THSD1: variants seen among roughly 807,000 people sequenced by gnomAD.
THSD1 encodes thrombospondin type 1 domain containing 1, also known as thrombospondin type-1 domain-containing protein 1.
THSD1 carries 34 observed loss-of-function variants against 46.3 expected under a neutral mutation model. The observed-to-expected ratio is 0.74, with a 90% CI of 0.56 to 0.98. The LOEUF (loss-of-function observed/expected upper bound fraction) is 0.98. THSD1 is among the 50% of genes least tolerant of loss of function. The pLI, the probability that THSD1 is intolerant of heterozygous loss-of-function variation, is 0.00. For synonymous variants in THSD1, 407 were observed against 416.5 expected, an observed-to-expected ratio of 0.98 and a Z score of 0.28; for missense variants, 1,023 against 1,058.3, an observed-to-expected ratio of 0.97 and a Z score of 0.46.
intron 1 of THSD1, among the ~76,000 whole-genome samples, chr13:52,404,866 G>A (rs565655019): frequency 4.6e-5 from 7 of 152,170 alleles, no homozygotes; most frequent in South Asian, 4.1e-4. Flanking sequence ...GAAAATGATC[G>A]GTAAAACATA....
intron 3 of THSD1, among the ~76,000 whole-genome samples, chr13:52,392,631 T>G (rs1250523765): frequency 6.6e-6 from 1 of 152,258 alleles, no homozygotes; most frequent in Non-Finnish European, 1.5e-5. Flanking sequence ...AGGGTTTTAA[T>G]TTTGAATAAG....
rs1481517686 is a variant in THSD1, at chr13:52,398,120, C to T, written c.133G>A (p.Asp45Asn). The T allele has an allele frequency of 2.5e-6, 4 of 1,614,216 alleles. No individual in the cohort carries two copies. Among genetic ancestry groups the T allele is most frequent in the Non-Finnish European group, 2.5e-6 (3 of 1,180,042 alleles). Residue 45 changes from aspartate (D) to asparagine (N), a missense_variant, in exon 3 of 5, where the codon GAT becomes AAT. Physicochemically the swap from Asp to Asn is conservative, Grantham distance 23. Around this residue, in one of 3 missense-constraint regions of THSD1, gnomAD observed 429 missense variants for 518.3 expected, o/e 0.83. Coordinates refer to ENST00000258613, the MANE Select transcript of THSD1 (RefSeq NM_018676.4). ...TTAGCACCATCAAAATACTGGAAAT[C>T]CACATACACTGTGTCGTTGCTTAGT... ...VALSNDTVYVDFQYFDGANGT... is the reference protein window; with the variant it reads ...VALSNDTVYVNFQYFDGANGT...
At chr13:52,382,103 C>CTACA (rs1309889436) in intron 4 of THSD1, among the ~76,000 whole-genome samples, 2 of 152,194 alleles carry the variant, frequency 1.3e-5, no homozygotes, top group African/African-American at 4.8e-5. Flanking sequence ...CCAAGGAGAG[C>CTACA]TACAGTCCAT....
At chr13:52,394,248 T>C (rs1188017180) in intron 3 of THSD1, among the ~76,000 whole-genome samples, 3 of 152,264 alleles carry the variant, frequency 2.0e-5, no homozygotes, top group Admixed American at 6.5e-5. Context: ...CCCCAATTTA[T>C]TGACTTCCTT....
At chr13:52,403,033 T>C in intron 1 of THSD1, 1 of 801,370 alleles carries the variant, frequency 1.2e-6, no homozygotes, top group Non-Finnish European at 1.5e-6. Flanking sequence ...TCACATTATT[T>C]ATCTGCTTGG....
At chr13:52,390,064 A>G (rs963350211) in intron 3 of THSD1, among the ~76,000 whole-genome samples, 1 of 151,464 alleles carries the variant, frequency 6.6e-6, no homozygotes, top group Non-Finnish European at 1.5e-5. Context: ...CACCTGAGCC[A>G]GGGGAAGTCG....
At chr13:52,405,302 C>G (rs1200465089) in intron 1 of THSD1, among the ~76,000 whole-genome samples, 1 of 152,200 alleles carries the variant, frequency 6.6e-6, no homozygotes, top group African/African-American at 2.4e-5. Flanking sequence ...CCCTTCATAG[C>G]TGCAGAAAAA....
chr13:52,398,587 G>A, intron 2 of THSD1: 1 of 985,380 alleles, frequency 1.0e-6, no homozygotes. Context: ...AGCCAGGGAT[G>A]ATGTAAAATG....
rs554183412 is a variant in THSD1, at chr13:52,383,969, G to A, written c.1180+2059C>T. The A allele has an allele frequency of 3.1e-5, 6 of 192,998 alleles. No individual in the cohort carries two copies. The South Asian group carries it at 4.5e-4, about 14-fold the overall frequency. 12.0% of individuals were successfully genotyped at this position (192,998 alleles called of 1,614,324 possible). A position where few individuals can be genotyped will look rare whatever the true frequency, so the allele number is the denominator to read the frequency against. On this transcript the variant is annotated intron_variant, in intron 4 of 4. Transcript: ENST00000258613. Reference sequence around the variant, plus strand: ...TGTAATCCCAGCACTTTGGGAGGCCGAGGCAGGCGGATCACCTGAGGTCGG... The same window carrying A: ...TGTAATCCCAGCACTTTGGGAGGCCAAGGCAGGCGGATCACCTGAGGTCGG...
At chr13:52,388,039 G>T (rs984457382) in intron 3 of THSD1, among the ~76,000 whole-genome samples, 20 of 151,990 alleles carry the variant, frequency 1.3e-4, no homozygotes, top group Non-Finnish European at 2.6e-4. Flanking sequence ...AAGTTTGAAG[G>T]CTGTGGCTGA....
chr13:52,403,096 G>A (rs369917081), intron 1 of THSD1: 218 of 409,958 alleles, frequency 5.3e-4, no homozygotes, highest in Middle Eastern at 2.5e-3. Flanking sequence ...ATTTAGCATT[G>A]TGCTGTGTAT....
intron 4 of THSD1, 85 bp downstream of exon 4, chr13:52,385,943 G>A: frequency 7.8e-7 from 1 of 1,280,802 alleles, no homozygotes. Flanking sequence ...ATCTTAGACT[G>A]GTAACTCTCA....
chr13:52,403,865 C>G (rs925028452), intron 1 of THSD1, among the ~76,000 whole-genome samples: 1 of 151,050 alleles, frequency 6.6e-6, no homozygotes, highest in African/African-American at 2.4e-5. Context: ...TAGAGTCTAG[C>G]AAACTATGTA....
At position 52,378,224 on chromosome 13, in the gene THSD1, T is replaced by C. The variant is rs1448306980; in HGVS notation, c.1746A>G (p.Ala582=). The C allele has an allele frequency of 1.2e-6, 2 of 1,614,238 alleles. No individual in the cohort carries two copies. The highest frequency in any genetic ancestry group is 2.2e-5 in the East Asian group (1 of 44,878). Reference sequence around the variant, plus strand: ...ATGGGGATTTGATCCGGAACTTGTTTGCTGCAGCTTCTTCCGGGCTTTCCA... The same window carrying C: ...ATGGGGATTTGATCCGGAACTTGTTCGCTGCAGCTTCTTCCGGGCTTTCCA... ...LDLESPEEAA[A]NKFRIKSPFP... The change falls in exon 5 of 5, where the codon GCA becomes GCG. Residue 582 remains alanine, a synonymous_variant. Transcript: ENST00000258613.
intron 4 of THSD1, among the ~76,000 whole-genome samples, chr13:52,383,428 C>T (rs939479933): frequency 2.6e-5 from 4 of 152,184 alleles, no homozygotes; most frequent in African/African-American, 9.7e-5. Context: ...AAAGCCAAAC[C>T]AACCTCTGAA....
chr13:52,392,255 A>T (rs900406536), intron 3 of THSD1, among the ~76,000 whole-genome samples: 2 of 151,992 alleles, frequency 1.3e-5, no homozygotes, highest in African/African-American at 4.8e-5. Context: ...AAACAAAATG[A>T]ACATTTAAGC....
chr13:52,384,084 C>T, intron 4 of THSD1: 1 of 335,570 alleles, frequency 3.0e-6, no homozygotes, highest in Non-Finnish European at 5.8e-6. Flanking sequence ...ATGCCAGAGG[C>T]TGAGGCAGGA....
chr13:52,387,507 T>A (rs1170364324), intron 3 of THSD1, among the ~76,000 whole-genome samples: 1 of 152,204 alleles, frequency 6.6e-6, no homozygotes, highest in Non-Finnish European at 1.5e-5. Flanking sequence ...GACTCAGAGC[T>A]GACCCAGATA....
chr13:52,402,914 A>G (rs1957875971), intron 1 of THSD1: 1 of 985,446 alleles, frequency 1.0e-6, no homozygotes, highest in East Asian at 1.1e-4. Context: ...CACTAAAATT[A>G]TCTTTGCACA....
Sources: allele counts gnomAD v4.1 joint callset (sites outside exome capture counted in the v4.1 genomes callset), GRCh38; gene constraint gnomAD v4.1.1; regional missense constraint gnomAD v4.1.1; transcripts MANE v1.5; gene names NCBI Gene and HGNC (gene_info 2026-07-23, HGNC 2026-07-21).